Variants in CACNA1E observed in about 807,000 individuals in gnomAD.
CACNA1E encodes the protein voltage-dependent R-type calcium channel subunit alpha-1E.
CACNA1E carries 40 observed loss-of-function variants against 259.2 expected under a neutral mutation model. The ratio of observed to expected loss-of-function variants is 0.15; its 90% CI spans 0.12 to 0.20. The LOEUF (loss-of-function observed/expected upper bound fraction) is 0.20. CACNA1E is among the 10% of genes least tolerant of loss of function. CACNA1E has a pLI of 1.00. For missense variants in CACNA1E, 1,874 were observed against 3,040.1 expected (o/e 0.62, Z 9.02); for synonymous variants, 1,104 against 1,138.5 (o/e 0.97, Z 0.61).
chr1:181,646,158 C>G (rs910360120), intron 6 of CACNA1E, among the ~76,000 whole-genome samples: 2 of 152,250 alleles, frequency 1.3e-5, no homozygotes, highest in Non-Finnish European at 2.9e-5. Context: ...TGCTCCAACC[C>G]TCTCCTGGCC....
rs546369093 is a variant in CACNA1E at position 181,400,357 on chromosome 1, C to T, written c.-14-12776C>T. On this transcript the variant is annotated intron_variant, in intron 1 of 11. Coordinates refer to the CACNA1E transcript ENST00000524607. ...TGTATATACAGTCAGCTGCCTGCTA[C>T]CCCTCCTTTCCTGAAGTTTATGTGG... is the stretch of plus-strand genomic sequence containing the variant. Among the ~76,000 whole-genome samples the T allele has an allele frequency of 4.1e-3, 620 of 152,258 alleles. 4 individuals carry two copies. Among genetic ancestry groups the T allele is most frequent in the African/African-American group, 0.014 (595 of 41,542 alleles).
chr1:181,588,967 A>G (rs543722239), intron 6 of CACNA1E, among the ~76,000 whole-genome samples: 38 of 152,362 alleles, frequency 2.5e-4, no homozygotes, highest in African/African-American at 8.7e-4. Flanking sequence ...GCACACTAGG[A>G]AAGCCAAGAA....
At chr1:181,387,100 A>AG (rs1655911625) in intron 1 of CACNA1E, among the ~76,000 whole-genome samples, 1 of 151,956 alleles carries the variant, frequency 6.6e-6, no homozygotes, top group Non-Finnish European at 1.5e-5. Context: ...GAGAGTACAC[A>AG]GGGGATGTCT....
chr1:181,398,344 T>G (rs544650505), intron 1 of CACNA1E, among the ~76,000 whole-genome samples: 1 of 152,322 alleles, frequency 6.6e-6, no homozygotes, highest in Non-Finnish European at 1.5e-5. Context: ...AACCTTAAAT[T>G]AGATTAAGAT....
intron 6 of CACNA1E, among the ~76,000 whole-genome samples, chr1:181,588,136 C>T (rs1652276292): frequency 6.6e-6 from 1 of 152,200 alleles, no homozygotes; most frequent in South Asian, 2.1e-4. Context: ...CTCTGTGGCA[C>T]CACTCCCAGG....
chr1:181,693,507 A>G (rs934614839), intron 7 of CACNA1E, among the ~76,000 whole-genome samples: 4 of 152,210 alleles, frequency 2.6e-5, no homozygotes, highest in African/African-American at 9.6e-5. Flanking sequence ...CTTTGGAGCA[A>G]CATGAATGCA....
At chr1:181,538,600 C>T (rs1313476736) in intron 3 of CACNA1E, among the ~76,000 whole-genome samples, 2 of 152,148 alleles carry the variant, frequency 1.3e-5, no homozygotes, top group African/African-American at 4.8e-5. Flanking sequence ...CAATACATCA[C>T]CGCACTAATG....
intron 34 of CACNA1E, among the ~76,000 whole-genome samples, chr1:181,764,999 A>G (rs1322823207): frequency 6.6e-6 from 1 of 152,214 alleles, no homozygotes; most frequent in Non-Finnish European, 1.5e-5. Flanking sequence ...CCTCCAGGTG[A>G]CACTGTGTTA....
intron 1 of CACNA1E, among the ~76,000 whole-genome samples, chr1:181,370,680 T>C (rs1379996425): frequency 6.6e-6 from 1 of 152,192 alleles, no homozygotes; most frequent in Non-Finnish European, 1.5e-5. Context: ...TAGTCCGTCA[T>C]TGGTGGGCAT....
chr1:181,735,712 C>G (rs1351658050), intron 21 of CACNA1E, among the ~76,000 whole-genome samples: 1 of 152,196 alleles, frequency 6.6e-6, no homozygotes, highest in Non-Finnish European at 1.5e-5. Flanking sequence ...CTGCTGCAAA[C>G]AGAATCATGA....
At chr1:181,329,335 A>G (rs1314216038) in intron 1 of CACNA1E, among the ~76,000 whole-genome samples, 1 of 152,020 alleles carries the variant, frequency 6.6e-6, no homozygotes, top group Non-Finnish European at 1.5e-5. Flanking sequence ...GTGGAGCTCC[A>G]AGCTCCACAA....
At chr1:181,693,607 G>C (rs997312792) in intron 7 of CACNA1E, among the ~76,000 whole-genome samples, 1 of 152,164 alleles carries the variant, frequency 6.6e-6, no homozygotes, top group Non-Finnish European at 1.5e-5. Flanking sequence ...TAAATAATTG[G>C]GCACTCATGG....
chr1:181,602,138 G>A (rs1371143300), intron 6 of CACNA1E, among the ~76,000 whole-genome samples: 2 of 152,156 alleles, frequency 1.3e-5, no homozygotes, highest in African/African-American at 2.4e-5. Context: ...TTTCTCTCCA[G>A]AGAGCTTATC....
chr1:181,334,691 C>T (rs1224763510), intron 1 of CACNA1E, among the ~76,000 whole-genome samples: 1 of 152,160 alleles, frequency 6.6e-6, no homozygotes, highest in East Asian at 1.9e-4. Flanking sequence ...TCCACTGCTA[C>T]CAGCCTGGTT....
At chr1:181,387,560 C>T (rs1011454305) in intron 1 of CACNA1E, among the ~76,000 whole-genome samples, 1 of 152,168 alleles carries the variant, frequency 6.6e-6, no homozygotes, top group Non-Finnish European at 1.5e-5. Flanking sequence ...AGCTGCTCCT[C>T]AGTGTGTTCT....
At chr1:181,741,933 A>G (rs1656615124) in intron 25 of CACNA1E, among the ~76,000 whole-genome samples, 1 of 152,148 alleles carries the variant, frequency 6.6e-6, no homozygotes, top group Non-Finnish European at 1.5e-5. Flanking sequence ...GCTTTTAGTC[A>G]TGTTACTTCT....
At chr1:181,495,990 A>C (rs1664711800) in intron 1 of CACNA1E, among the ~76,000 whole-genome samples, 1 of 152,126 alleles carries the variant, frequency 6.6e-6, no homozygotes, top group Non-Finnish European at 1.5e-5. Flanking sequence ...AGGTGTGGAG[A>C]GGTTAACTCA....
intron 1 of CACNA1E, among the ~76,000 whole-genome samples, chr1:181,337,417 A>C (rs1418082625): frequency 6.6e-6 from 1 of 152,138 alleles, no homozygotes; most frequent in Admixed American, 6.5e-5. Flanking sequence ...GTACTATACA[A>C]TATTGTTAAC....
intron 1 of CACNA1E, among the ~76,000 whole-genome samples, chr1:181,378,034 A>G (rs180803966): frequency 1.9e-4 from 29 of 152,372 alleles, no homozygotes; most frequent in Admixed American, 1.4e-3. Flanking sequence ...TCAGATGGCC[A>G]TTAAGATTTT....
Sources: gnomAD v4.1 joint callset for allele counts (sites outside exome capture counted in the v4.1 genomes callset) on GRCh38, gnomAD v4.1.1 for gene constraint, MANE v1.5 for transcripts, NCBI Gene and HGNC (gene_info 2026-07-23, HGNC 2026-07-21) for gene names.